The following SOX9 variants were observed in gnomAD, a reference collection of about 807,000 sequenced individuals.
The protein encoded by SOX9 is transcription factor SOX-9.
A neutral mutation model predicts 44.8 loss-of-function variants in SOX9; 2 were observed. The observed-to-expected ratio is 0.04, with a 90% CI of 0.02 to 0.14. The LOEUF (loss-of-function observed/expected upper bound fraction) is 0.14, where lower values mean the gene tolerates loss of function less well. SOX9 is among the 10% of genes least tolerant of loss of function. SOX9 has a pLI of 1.00. For missense variants in SOX9, 583 were observed against 728.6 expected, an observed-to-expected ratio of 0.80 and a Z score of 2.30; for synonymous variants, 381 against 331.8, an observed-to-expected ratio of 1.15 and a Z score of -1.61.
Position 72,121,598 on chromosome 17 carries a change from C to A in SOX9, c.207C>A (p.Phe69Leu), listed in dbSNP as rs1598175164. 6.2e-7 allele frequency: 1 copy of A among 1,605,972 alleles called. No individual in the cohort carries two copies. The highest frequency in any genetic ancestry group is 8.5e-7 in the Non-Finnish European group (1 of 1,176,590). ...DLKKESEEDK[F>L]PVCIREAVSQ... ...AGAAGGAGAGCGAGGAGGACAAGTT[C>A]CCCGTGTGCATCCGCGAGGCGGTCA... Residue 69 changes from phenylalanine (F) to leucine (L), a missense_variant, in exon 1 of 3, where the codon TTC becomes TTA. This residue lies in a region of SOX9 where 101 missense variants were observed against 98.6 expected (regional missense o/e 1.02). Coordinates refer to ENST00000245479, the MANE Select transcript of SOX9 (RefSeq NM_000346.4). This position sits in a 1 kb window ranked among gnomAD's most constrained non-coding sequence, Gnocchi z 8.3.
Position 72,121,487 on chromosome 17 carries a change from C to T in SOX9, c.96C>T (p.Gly32=), listed in dbSNP as rs1428040722. 1.2e-6 allele frequency: 2 copies of T among 1,611,658 alleles called. No homozygotes were observed. Among genetic ancestry groups the T allele is most frequent in the South Asian group, 1.1e-5 (1 of 90,728 alleles). The change falls in exon 1 of 3, where the codon GGC becomes GGT. Residue 32 remains glycine, a synonymous_variant. Transcript: ENST00000245479. This position sits in a 1 kb window ranked among gnomAD's most constrained non-coding sequence, Gnocchi z 8.3. ...CCACCATGTCCGAGGACTCCGCGGG[C>T]TCGCCCTGCCCGTCGGGCTCCGGCT... is the stretch of plus-strand genomic sequence containing the variant. ...PSPTMSEDSA[G]SPCPSGSGSD...
chr17:72,123,829 C>A lies in SOX9; in HGVS notation c.972C>A (p.Thr324=), dbSNP rs994026508. 1.2e-6 allele frequency: 2 copies of A among 1,607,268 alleles called. No individual in the cohort carries two copies. The highest frequency in any genetic ancestry group is 3.4e-5 in the Admixed American group (2 of 59,674). The stretch of plus-strand genomic sequence containing the variant: ...CGGGCAGCTACGGCATCAGCAGCAC[C>A]GCGGCCACCCCGGCGAGCGCGGGCC... ...TYTGSYGISS[T]AATPASAGHV... Residue 324 remains threonine (T), a synonymous_variant, in exon 3 of 3, where the codon ACC becomes ACA. Transcript: ENST00000245479. This position sits in a 1 kb window ranked among gnomAD's most constrained non-coding sequence, Gnocchi z 6.5.
rs1908216657 is a variant in SOX9, at chr17:72,124,348, C to T, written c.1491C>T (p.His497=). 6.2e-7 allele frequency: 1 copy of T among 1,601,312 alleles called. No homozygotes were observed. The highest frequency in any genetic ancestry group is 8.5e-7 in the Non-Finnish European group (1 of 1,179,954). ...TCCCGCAGACCCACAGCCCCCAGCA[C>T]TGGGAACAACCCGTCTACACACAGC... ...PSIPQTHSPQ[H]WEQPVYTQLT... is the part of the protein sequence containing the mutation. The change falls in exon 3 of 3, where the codon CAC becomes CAT. Residue 497 remains histidine (H), a synonymous_variant. Transcript: ENST00000245479. This position sits in a 1 kb window ranked among gnomAD's most constrained non-coding sequence, Gnocchi z 4.6.
Position 72,122,881 on chromosome 17 carries a change from C to T in SOX9, c.594C>T (p.Ile198=), listed in dbSNP as rs1231392958. The change falls in exon 2 of 3, where the codon ATC becomes ATT. Residue 198 remains isoleucine (I), a synonymous_variant. Transcript: ENST00000245479. ...AGGAGGCCACGGAGCAGACGCACATCTCCCCCAACGCCATCTTCAAGGCGC... is the reference window on the plus strand; with the variant it reads ...AGGAGGCCACGGAGCAGACGCACATTTCCCCCAACGCCATCTTCAAGGCGC... ...EAEEATEQTH[I]SPNAIFKALQ... The T allele has an allele frequency of 2.5e-6, 4 of 1,614,088 alleles. No homozygotes were observed. Among genetic ancestry groups the T allele is most frequent in the East Asian group, 4.5e-5 (2 of 44,888 alleles).
rs1281960758 is a variant in SOX9, at chr17:72,122,953, C to G, written c.666C>G (p.His222Gln). The G allele has an allele frequency of 1.2e-6, 2 of 1,613,682 alleles. No homozygotes were observed. Among genetic ancestry groups the G allele is most frequent in the South Asian group, 2.2e-5 (2 of 91,080 alleles). The change falls in exon 2 of 3, where the codon CAC (histidine) becomes CAG (glutamine). Residue 222 changes from histidine to glutamine, a missense_variant. Physicochemically the swap from His to Gln is conservative, Grantham distance 24. This residue lies in a region of SOX9 where 88 missense variants were observed against 65.5 expected (regional missense o/e 1.34). Transcript: ENST00000245479. ...PHSSSGMSEVHSPGEHSGQSQ... is the reference protein window; with the variant it reads ...PHSSSGMSEVQSPGEHSGQSQ... ...CCTCCTCCGGCATGAGCGAGGTGCACTCCCCCGGCGAGCACTCGGGTGAGT... is the reference window on the plus strand; with the variant it reads ...CCTCCTCCGGCATGAGCGAGGTGCAGTCCCCCGGCGAGCACTCGGGTGAGT...
rs2143256881 is a variant in SOX9 at position 72,124,186 on chromosome 17, C to G, written c.1329C>G (p.Thr443=). The G allele has an allele frequency of 2.5e-6, 4 of 1,613,930 alleles. No individual in the cohort carries two copies. The highest frequency in any genetic ancestry group is 1.3e-5 in the African/African-American group (1 of 75,044). ...PPITRSQYDY[T]DHQNSSSYYS... is the part of the protein sequence containing the mutation. Reference sequence around the variant, plus strand: ...TCACCCGCTCACAGTACGACTACACCGACCACCAGAACTCCAGCTCCTACT... The same window carrying G: ...TCACCCGCTCACAGTACGACTACACGGACCACCAGAACTCCAGCTCCTACT... Residue 443 remains threonine, a synonymous_variant, in exon 3 of 3, where the codon ACC becomes ACG. Transcript: ENST00000245479. The surrounding 1 kb of genome is among the most constrained non-coding windows in gnomAD (Gnocchi z 4.6).
In SOX9 at chr17:72,123,056, T is replaced by C; in HGVS notation, c.685+84T>C. 6.4e-7 allele frequency: 1 copy of C among 1,551,692 alleles called. No homozygotes were observed. Among genetic ancestry groups the C allele is most frequent in the Non-Finnish European group, 8.8e-7 (1 of 1,139,240 alleles). On this transcript the variant is annotated intron_variant, in intron 2 of 2. Transcript: ENST00000245479. The surrounding 1 kb of genome is among the most constrained non-coding windows in gnomAD (Gnocchi z 6.5). ...TGCCCTCCGCCTGGGAGATTCTTCG[T>C]GGGGACTTTATGCTTCCCGGGAGGG...
Sources: gnomAD v4.1 joint callset for allele counts on GRCh38, gnomAD v4.1.1 for gene constraint, gnomAD v4.1.1 regional missense constraint, Gnocchi (gnomAD v3.1) non-coding constraint, MANE v1.5 for transcripts, NCBI Gene and HGNC (gene_info 2026-07-23, HGNC 2026-07-21) for gene names.